The following CREB5 variants were observed in gnomAD, a reference collection of about 807,000 sequenced individuals.
The protein encoded by CREB5 is cyclic AMP-responsive element-binding protein 5.
In CREB5, 19 loss-of-function variants were observed where a neutral mutation model predicts 57.1. That is an observed-to-expected ratio of 0.33 (90% CI 0.23 to 0.49). CREB5 has a LOEUF of 0.49. Among genes scored for constraint, CREB5 ranks in the 20% least tolerant of loss-of-function variants. The probability of loss-of-function intolerance (pLI) is 0.99; values close to 1 mark genes in which losing one functional copy is unlikely to be tolerated. For missense variants in CREB5, 579 were observed against 671.6 expected, an observed-to-expected ratio of 0.86 and a Z score of 1.52; for synonymous variants, 238 against 238.3, an observed-to-expected ratio of 1.00 and a Z score of 0.01.
chr7:28,376,985 T>A (rs1471894636), intron 1 of CREB5, among the ~76,000 whole-genome samples: 3 of 152,232 alleles, frequency 2.0e-5, no homozygotes, highest in African/African-American at 4.8e-5. Flanking sequence ...AGAGTGAGAA[T>A]TAACTACCGG....
At chr7:28,362,974 G>C (rs866630549) in intron 1 of CREB5, among the ~76,000 whole-genome samples, 3 of 152,226 alleles carry the variant, frequency 2.0e-5, no homozygotes, top group African/African-American at 7.2e-5. Flanking sequence ...CTATGTTATG[G>C]GGAAGGATTT....
At chr7:28,636,277 G>C (rs1441781184) in intron 5 of CREB5, among the ~76,000 whole-genome samples, 1 of 152,166 alleles carries the variant, frequency 6.6e-6, no homozygotes, top group Non-Finnish European at 1.5e-5. Flanking sequence ...TCTCCACTGG[G>C]GGGTGGGAGG....
At chr7:28,341,732 G>A (rs867137463) in intron 1 of CREB5, among the ~76,000 whole-genome samples, 8 of 152,250 alleles carry the variant, frequency 5.3e-5, no homozygotes, top group African/African-American at 1.9e-4. Flanking sequence ...TGAATTGTAT[G>A]TAGTGGAGCC....
chr7:28,483,339 C>T (rs572274928), intron 1 of CREB5, among the ~76,000 whole-genome samples: 4 of 152,234 alleles, frequency 2.6e-5, no homozygotes, highest in South Asian at 2.1e-4. Context: ...TTGCTCATTG[C>T]GAGGCCAGAG....
chr7:28,318,922 A>C (rs1447070989), intron 1 of CREB5, among the ~76,000 whole-genome samples: 2 of 152,218 alleles, frequency 1.3e-5, no homozygotes, highest in African/African-American at 4.8e-5. Context: ...AAGTCCTCCC[A>C]AATATCATCT....
chr7:28,798,171 C>T lies in CREB5; in HGVS notation c.703-6028C>T, dbSNP rs1808157646. ...ACAGCCATTTATAATTAAAACCTTT[C>T]TGGAAAGAATACTCCAACCTTCCTC... is the stretch of plus-strand genomic sequence containing the variant. On this transcript the variant is annotated intron_variant, in intron 7 of 10. Coordinates refer to ENST00000357727, the MANE Select transcript of CREB5 (RefSeq NM_182898.4). Among the ~76,000 whole-genome samples the T allele has an allele frequency of 2.0e-5, 3 of 152,168 alleles. No individual in the cohort carries two copies. The South Asian group carries it at 6.2e-4, about 32-fold the overall frequency.
chr7:28,809,742 A>T (rs888639514), intron 9 of CREB5, among the ~76,000 whole-genome samples: 1 of 152,210 alleles, frequency 6.6e-6, no homozygotes, highest in Non-Finnish European at 1.5e-5. Context: ...TCTGGCTCTC[A>T]GTTTCTTCCT....
chr7:28,793,510 A>G (rs1313761937), intron 7 of CREB5, among the ~76,000 whole-genome samples: 2 of 152,200 alleles, frequency 1.3e-5, no homozygotes, highest in African/African-American at 4.8e-5. Flanking sequence ...AGGGGTAGAC[A>G]TGTGTTGGGA....
intron 5 of CREB5, among the ~76,000 whole-genome samples, chr7:28,608,113 TCACACACACTCACACACACA>T (rs1465269037): frequency 1.1e-4 from 16 of 143,170 alleles, no homozygotes; most frequent in African/African-American, 3.7e-4. Context: ...TCTCTCTCTC[TCACACACACTCACACACACA>T]CACACACACA....
intron 4 of CREB5, among the ~76,000 whole-genome samples, chr7:28,542,407 A>AC: frequency 6.6e-6 from 1 of 152,272 alleles, no homozygotes; most frequent in East Asian, 1.9e-4. Context: ...AAGATTGATT[A>AC]CCTGCCAATG....
At chr7:28,332,598 C>T (rs1785738117) in intron 1 of CREB5, among the ~76,000 whole-genome samples, 1 of 152,164 alleles carries the variant, frequency 6.6e-6, no homozygotes, top group Non-Finnish European at 1.5e-5. Flanking sequence ...ACACCCCCAG[C>T]AACCTTCTCC....
chr7:28,329,764 C>T (rs1233628489), intron 1 of CREB5, among the ~76,000 whole-genome samples: 1 of 152,208 alleles, frequency 6.6e-6, no homozygotes, highest in Non-Finnish European at 1.5e-5. Flanking sequence ...ATGCCCTTGG[C>T]ACCTTACAGT....
intron 7 of CREB5, among the ~76,000 whole-genome samples, chr7:28,782,175 C>G (rs1807026344): frequency 6.6e-6 from 1 of 152,082 alleles, no homozygotes; most frequent in African/African-American, 2.4e-5. Context: ...TCTGTCTGTC[C>G]TTTTGCTGGA....
chr7:28,383,747 G>A (rs1787017369), intron 1 of CREB5, among the ~76,000 whole-genome samples: 1 of 152,114 alleles, frequency 6.6e-6, no homozygotes, highest in South Asian at 2.1e-4. Flanking sequence ...TCCAACATGG[G>A]GGATTACAAC....
intron 1 of CREB5, among the ~76,000 whole-genome samples, chr7:28,476,692 T>C (rs1791079973): frequency 6.6e-6 from 1 of 152,206 alleles, no homozygotes; most frequent in East Asian, 1.9e-4. Flanking sequence ...AAAAGCAAAA[T>C]AAAGCCTAAA....
chr7:28,576,546 G>C (rs1258683452), intron 5 of CREB5, among the ~76,000 whole-genome samples: 1 of 152,184 alleles, frequency 6.6e-6, no homozygotes, highest in Non-Finnish European at 1.5e-5. Context: ...ATCATCTACA[G>C]GAGTTAGCTA....
At chr7:28,501,586 C>T (rs1213524207) in intron 3 of CREB5, among the ~76,000 whole-genome samples, 1 of 152,150 alleles carries the variant, frequency 6.6e-6, no homozygotes, top group Non-Finnish European at 1.5e-5. Context: ...AGAACTCAGG[C>T]AATCAGGGAC....
upstream of CREB5, among the ~76,000 whole-genome samples, chr7:28,412,345 A>G (rs978608584): frequency 3.9e-5 from 6 of 152,204 alleles, no homozygotes; most frequent in Admixed American, 1.3e-4. Flanking sequence ...TAAACAAACA[A>G]TTGGACCTTT....
chr7:28,457,873 A>G (rs1204133958), intron 1 of CREB5, among the ~76,000 whole-genome samples: 1 of 152,102 alleles, frequency 6.6e-6, no homozygotes, highest in Non-Finnish European at 1.5e-5. Flanking sequence ...CTGTTGAGAG[A>G]TTTGCAATGG....
Sources: gnomAD v4.1 joint callset for allele counts (sites outside exome capture counted in the v4.1 genomes callset) on GRCh38, gnomAD v4.1.1 for gene constraint, MANE v1.5 for transcripts, NCBI Gene and HGNC (gene_info 2026-07-23, HGNC 2026-07-21) for gene names.